Variants in LHFPL6 observed in about 807,000 individuals in gnomAD.
The protein encoded by LHFPL6 is LHFPL tetraspan subfamily member 6.
Under a neutral mutation model 20.6 loss-of-function variants are expected in LHFPL6, and 9 were observed. The observed-to-expected ratio is 0.44, with a 90% CI of 0.26 to 0.76. The LOEUF (loss-of-function observed/expected upper bound fraction) is 0.76. Among genes scored for constraint, LHFPL6 ranks in the 30% least tolerant of loss-of-function variants. LHFPL6 has a pLI of 0.20. For missense variants in LHFPL6, 218 were observed against 253.5 expected (o/e 0.86, Z 0.95); for synonymous variants, 105 against 98.7 (o/e 1.06, Z -0.38).
chr13:39,510,997 C>T (rs1413517046), intron 2 of LHFPL6, among the ~76,000 whole-genome samples: 2 of 151,986 alleles, frequency 1.3e-5, no homozygotes, highest in African/African-American at 2.4e-5. Context: ...ATCAGCTTCC[C>T]GAGTAGGTGA....
intron 2 of LHFPL6, among the ~76,000 whole-genome samples, chr13:39,418,596 C>T (rs1213578343): frequency 1.3e-5 from 2 of 151,940 alleles, no homozygotes; most frequent in Non-Finnish European, 1.5e-5. Flanking sequence ...TGTGTGCAGC[C>T]CCTAAAGATT....
chr13:39,453,751 A>T (rs964647345), intron 2 of LHFPL6, among the ~76,000 whole-genome samples: 7 of 152,196 alleles, frequency 4.6e-5, no homozygotes, highest in African/African-American at 1.4e-4. Context: ...TCTTTAACTC[A>T]ACAGCATGGG....
intron 2 of LHFPL6, among the ~76,000 whole-genome samples, chr13:39,449,362 T>TA (rs1301808372): frequency 6.6e-6 from 1 of 152,346 alleles, no homozygotes; most frequent in East Asian, 1.9e-4. Context: ...AGTGTTATAA[T>TA]AAAAAATGTC....
Position 39,399,885 on chromosome 13 carries a change from G to A in LHFPL6, c.386-21359C>T, listed in dbSNP as rs548358835. 5.9e-5 allele frequency among the ~76,000 whole-genome samples: 9 copies of A among 152,202 alleles called. No homozygotes were observed. In the East Asian group the frequency reaches 1.7e-3, roughly 29 times the overall value. Reference sequence around the variant, plus strand: ...GAGGCAGGTGGATCACCTGAGGTTGGGAGTTCGAGGCCAGCCTGACCAATA... The same window carrying A: ...GAGGCAGGTGGATCACCTGAGGTTGAGAGTTCGAGGCCAGCCTGACCAATA... On this transcript the variant is annotated intron_variant, in intron 2 of 3. Transcript: ENST00000379589.
At chr13:39,400,419 A>G (rs1870954498) in intron 2 of LHFPL6, among the ~76,000 whole-genome samples, 1 of 152,212 alleles carries the variant, frequency 6.6e-6, no homozygotes, top group Admixed American at 6.5e-5. Context: ...AGACATTTTC[A>G]TCATTTGCAG....
intron 2 of LHFPL6, among the ~76,000 whole-genome samples, chr13:39,397,287 C>T (rs12429365): frequency 0.13 from 20,048 of 152,150 alleles, 1,384 homozygotes; most frequent in South Asian, 0.21. Context: ...CACAACATCA[C>T]GGCTCACATG....
Position 39,551,348 on chromosome 13 carries a change from G to A in LHFPL6, c.385+49484C>T, listed in dbSNP as rs752881099. On this transcript the variant is annotated intron_variant, in intron 2 of 3. Coordinates refer to ENST00000379589, the MANE Select transcript of LHFPL6 (RefSeq NM_005780.3). ...TCACTTTATAACAACCCACTCTTGA[G>A]TTAACTAACCCACTCCTGTGGTAAT... is the stretch of plus-strand genomic sequence containing the variant. Among the ~76,000 whole-genome samples the A allele has an allele frequency of 4.6e-5, 7 of 152,178 alleles. No homozygotes were observed. In the East Asian group the frequency reaches 9.6e-4, roughly 21 times the overall value.
At chr13:39,430,687 T>C (rs1030538936) in intron 2 of LHFPL6, among the ~76,000 whole-genome samples, 61 of 152,190 alleles carry the variant, frequency 4.0e-4, no homozygotes, top group African/African-American at 1.4e-3. Flanking sequence ...GCGCTCTGCG[T>C]CTAGCTAAAG....
At chr13:39,417,441 C>G (rs370113137) in intron 2 of LHFPL6, among the ~76,000 whole-genome samples, 1 of 151,880 alleles carries the variant, frequency 6.6e-6, no homozygotes, top group South Asian at 2.1e-4. Context: ...TTTTGTTTTG[C>G]CTTTTGAAAA....
chr13:39,356,021 C>T (rs1249035988), intron 3 of LHFPL6, among the ~76,000 whole-genome samples: 1 of 152,218 alleles, frequency 6.6e-6, no homozygotes, highest in Non-Finnish European at 1.5e-5. Flanking sequence ...TTAAACTCAA[C>T]ATGACCAATT....
chr13:39,444,026 A>G (rs961091096), intron 2 of LHFPL6, among the ~76,000 whole-genome samples: 2 of 152,162 alleles, frequency 1.3e-5, no homozygotes, highest in African/African-American at 4.8e-5. Flanking sequence ...TAATCACATC[A>G]TAAGTCAAGG....
At chr13:39,513,203 A>G (rs1869785023) in intron 2 of LHFPL6, among the ~76,000 whole-genome samples, 2 of 152,256 alleles carry the variant, frequency 1.3e-5, no homozygotes, top group African/African-American at 4.8e-5. Context: ...AACTAGTTAG[A>G]AGAACTGTTT....
chr13:39,527,518 A>T (rs894788216), intron 2 of LHFPL6, among the ~76,000 whole-genome samples: 1 of 152,114 alleles, frequency 6.6e-6, no homozygotes, highest in African/African-American at 2.4e-5. Context: ...AAAAAAAAAA[A>T]AAAGCGTTTT....
Position 39,546,990 on chromosome 13 carries a change from C to A in LHFPL6, c.385+53842G>T, listed in dbSNP as rs1344303720. On this transcript the variant is annotated intron_variant, in intron 2 of 3. Transcript: ENST00000379589. ...GTCCTTTCAGACTCTGCCTCTGCCT[C>A]TTCCTAGTATGCTGGTTTCGCTAAT... Among the ~76,000 whole-genome samples the A allele has an allele frequency of 2.0e-5, 3 of 152,046 alleles. No individual in the cohort carries two copies. In the East Asian group the frequency reaches 5.8e-4, roughly 29 times the overall value.
chr13:39,378,377 T>A (rs1480862937), intron 3 of LHFPL6, 51 bp downstream of exon 3: 18 of 1,457,914 alleles, frequency 1.2e-5, no homozygotes, highest in Non-Finnish European at 1.6e-5. Context: ...CTATGAAACA[T>A]CAGATAAGGT....
rs758314280 is a variant in LHFPL6, at chr13:39,343,772, A to ATCTT, written c.*163_*164insAAGA. The ATCTT allele has an allele frequency of 5.1e-6, 3 of 591,930 alleles. No homozygotes were observed. The highest frequency in any genetic ancestry group is 8.9e-6 in the Non-Finnish European group (3 of 335,764). The allele number at this position is 591,930 out of a possible 1,614,324, so 36.7% of individuals were successfully genotyped here. On this transcript the variant is annotated 3_prime_UTR_variant, in exon 4 of 4. Transcript: ENST00000379589. ...TTTTTTCCCCCACAAATCTCCTACAATCCTTCCTTCCTATATCATGTTCCT... is the reference window on the plus strand; with the variant it reads ...TTTTTTCCCCCACAAATCTCCTACAATCTTTCCTTCCTTCCTATATCATGTTCCT...
intron 2 of LHFPL6, among the ~76,000 whole-genome samples, chr13:39,427,132 G>T (rs564706485): frequency 6.6e-6 from 1 of 150,850 alleles, no homozygotes; most frequent in South Asian, 2.1e-4. Flanking sequence ...TATTTGAAGT[G>T]ATTTTGTATC....
intron 2 of LHFPL6, among the ~76,000 whole-genome samples, chr13:39,565,298 A>G (rs1368051328): frequency 2.0e-5 from 3 of 151,528 alleles, no homozygotes; most frequent in Non-Finnish European, 4.4e-5. Flanking sequence ...TTCAAAGAGA[A>G]CATCATTTCT....
intron 2 of LHFPL6, among the ~76,000 whole-genome samples, chr13:39,528,445 G>C (rs1486792188): frequency 6.6e-6 from 1 of 152,172 alleles, no homozygotes; most frequent in East Asian, 1.9e-4. Context: ...CCCCAAAGAG[G>C]AACAGCAATG....
Sources: allele counts gnomAD v4.1 joint callset (sites outside exome capture counted in the v4.1 genomes callset), GRCh38; gene constraint gnomAD v4.1.1; transcripts MANE v1.5; gene names NCBI Gene and HGNC (gene_info 2026-07-23, HGNC 2026-07-21).